Variants in ONECUT3 observed in about 807,000 individuals in gnomAD.
The protein encoded by ONECUT3 is one cut homeobox 3, also known as one cut domain family member 3.
ONECUT3 carries 11 observed loss-of-function variants against 16.8 expected under a neutral mutation model. That is an observed-to-expected ratio of 0.66 (90% CI 0.41 to 1.09). ONECUT3 has a LOEUF of 1.09. Ranked by LOEUF, ONECUT3 falls within the 50% of genes least tolerant of loss-of-function variation. The pLI is 0.00. For missense variants in ONECUT3, 637 were observed against 629.9 expected (o/e 1.01, Z -0.12); for synonymous variants, 344 against 310.7 (o/e 1.11, Z -1.13).
chr19:1,769,084 G>A (rs368877349), intron 1 of ONECUT3, among the ~76,000 whole-genome samples: 1 of 140,342 alleles, frequency 7.1e-6, no homozygotes, highest in East Asian at 2.0e-4. Context: ...TGGAAGTGGA[G>A]GTGGAGGTGA....
In ONECUT3 at chr19:1,775,587, AG is replaced by A; in HGVS notation, c.*147del. 9.5e-6 allele frequency: 7 copies of A among 733,900 alleles called. No homozygotes were observed. The highest frequency in any genetic ancestry group is 1.4e-5 in the Non-Finnish European group (7 of 488,486). 45.5% of individuals were successfully genotyped at this position (733,900 alleles called of 1,614,324 possible). ...CTATCCGGGCCCCCCACACCCGGGG[AG>A]GGGGAAGCAGCACACCCCCCAGCCC... On this transcript the variant is annotated 3_prime_UTR_variant, in exon 2 of 2. Transcript: ENST00000382349.
intron 1 of ONECUT3, 27 bp from the exon 2 acceptor site, chr19:1,775,126 G>GGCCCCCCCCCCCCCCCCCCCCCC: frequency 3.5e-6 from 4 of 1,143,898 alleles, no homozygotes; most frequent in Non-Finnish European, 3.6e-6. Context: ...TGTCCCGCTC[G>GGCCCCCCCCCCCCCCCCCCCCCC]CCCGCCCGCC....
intron 1 of ONECUT3, among the ~76,000 whole-genome samples, chr19:1,773,500 G>A (rs1314206474): frequency 6.6e-6 from 1 of 152,188 alleles, no homozygotes; most frequent in Non-Finnish European, 1.5e-5. Context: ...TTCTGTGGAC[G>A]TGTATGGACA....
chr19:1,770,191 G>C (rs1240116382), intron 1 of ONECUT3, among the ~76,000 whole-genome samples: 1 of 152,184 alleles, frequency 6.6e-6, no homozygotes. Context: ...CCAGGAGTTA[G>C]AGACCAGCCT....
Position 1,766,498 on chromosome 19 carries a change from G to A in ONECUT3, c.1193-8655G>A, listed in dbSNP as rs1002996874. Among the ~76,000 whole-genome samples, 1 of 150,958 alleles carries A rather than the reference G, an allele frequency of 6.6e-6. No homozygotes were observed. Among genetic ancestry groups the A allele is most frequent in the Non-Finnish European group, 1.5e-5 (1 of 67,692 alleles). On this transcript the variant is annotated intron_variant, in intron 1 of 1. Transcript: ENST00000382349. The surrounding 1 kb of genome is among the most constrained non-coding windows in gnomAD (Gnocchi z 4.0). ...GGAAGGGAAGTGAGGGAAGGAAGGG[G>A]AAGAGGGGAGGGAGGTAAAGAGAGG...
chr19:1,775,038 G>T, intron 1 of ONECUT3, 115 bp from the exon 2 acceptor site: 1 of 634,468 alleles, frequency 1.6e-6, no homozygotes, highest in Admixed American at 3.3e-5. Flanking sequence ...TCCCCAACGT[G>T]TCCCTTCTCC....
At position 1,754,325 on chromosome 19, in the gene ONECUT3, AC is replaced by A; in HGVS notation, c.668del (p.Pro223ArgfsTer112). 8.6e-6 allele frequency: 9 copies of A among 1,050,654 alleles called. No homozygotes were observed. The highest frequency in any genetic ancestry group is 1.7e-4 in the East Asian group (2 of 11,812). 65.1% of individuals were successfully genotyped at this position (1,050,654 alleles called of 1,614,324 possible). On this transcript the variant is annotated frameshift_variant, in exon 1 of 2. Coordinates refer to ENST00000382349, the MANE Select transcript of ONECUT3 (RefSeq NM_001080488.2). LOFTEE classifies it high-confidence loss of function. This position sits in a 1 kb window ranked among gnomAD's most constrained non-coding sequence, Gnocchi z 7.4. ...CCCCGCAGCCCCCGCCGCCGCCACC[AC>A]CCCCGCCGCTGGCCGCCTACGGCCC... ...GAPQPPPPPP[P>X]PPLAAYGPPG...
At position 1,754,525 on chromosome 19, in the gene ONECUT3, G is replaced by C; in HGVS notation, c.863G>C (p.Gly288Ala). Residue 288 changes from glycine (G) to alanine (A), a missense_variant, in exon 1 of 2, where the codon GGC (glycine) becomes GCC (alanine). Gly to Ala is a moderately conservative substitution (Grantham distance 60). Around this residue, in one of 3 missense-constraint regions of ONECUT3, gnomAD observed 419 missense variants for 377.9 expected, o/e 1.11. Coordinates refer to ENST00000382349, the MANE Select transcript of ONECUT3 (RefSeq NM_001080488.2). This position sits in a 1 kb window ranked among gnomAD's most constrained non-coding sequence, Gnocchi z 7.4. ...GSAAGLLAPL[G>A]GLAAAGAHGP... Reference sequence around the variant, plus strand: ...GCCGCGGGGCTGCTGGCGCCGCTGGGCGGGCTGGCGGCGGCCGGGGCGCAC... The same window carrying C: ...GCCGCGGGGCTGCTGGCGCCGCTGGCCGGGCTGGCGGCGGCCGGGGCGCAC... 1 of 980,078 alleles carries C rather than the reference G, an allele frequency of 1.0e-6. No individual in the cohort carries two copies. The highest frequency in any genetic ancestry group is 1.2e-6 in the Non-Finnish European group (1 of 827,888). 60.7% of individuals were successfully genotyped at this position (980,078 alleles called of 1,614,324 possible).
chr19:1,769,481 C>T (rs879632820), intron 1 of ONECUT3, among the ~76,000 whole-genome samples: 12 of 152,112 alleles, frequency 7.9e-5, no homozygotes, highest in Non-Finnish European at 1.5e-4. Flanking sequence ...ACTCTGAACC[C>T]CATCAGTCCT....
intron 1 of ONECUT3, among the ~76,000 whole-genome samples, chr19:1,769,086 TGGAGGTGATGGAGGA>T (rs1210322751): frequency 8.1e-6 from 1 of 123,152 alleles, no homozygotes; most frequent in African/African-American, 3.2e-5. Flanking sequence ...GAAGTGGAGG[TGGAGGTGATGGAGGA>T]GGAGATGCTG....
At position 1,755,019 on chromosome 19, in the gene ONECUT3, C is replaced by A. The variant is rs576583105; in HGVS notation, c.1192+165C>A. On this transcript the variant is annotated intron_variant, in intron 1 of 1. Coordinates refer to ENST00000382349, the MANE Select transcript of ONECUT3 (RefSeq NM_001080488.2). The surrounding 1 kb of genome is among the most constrained non-coding windows in gnomAD (Gnocchi z 7.5). ...GGAAGCTAGACCGCGATCCGCGCCG[C>A]TGCCCGTTTGTACCGTTGCCAAAAG... Among the ~76,000 whole-genome samples, 1 of 152,288 alleles carries A rather than the reference C, an allele frequency of 6.6e-6. No individual in the cohort carries two copies. Among genetic ancestry groups the A allele is most frequent in the East Asian group, 1.9e-4 (1 of 5,156 alleles).
rs1331199840 is a variant in ONECUT3, at chr19:1,758,313, A to AGAGAGAGAG, written c.1192+3459_1192+3460insGAGAGAGAG. Among the ~76,000 whole-genome samples the AGAGAGAGAG allele has an allele frequency of 2.2e-4, 24 of 108,998 alleles. No homozygotes were observed. Among genetic ancestry groups the AGAGAGAGAG allele is most frequent in the African/African-American group, 8.3e-4 (24 of 28,850 alleles). The allele number at this position is 108,998 out of a possible 152,430, so 71.5% of individuals were successfully genotyped here. A position where few individuals can be genotyped will look rare whatever the true frequency, so the allele number is the denominator to read the frequency against. On this transcript the variant is annotated intron_variant, in intron 1 of 1. Transcript: ENST00000382349. This position sits in a 1 kb window ranked among gnomAD's most constrained non-coding sequence, Gnocchi z 5.9. ...AGGCAGAGAGACCAAAAAAAAAAAA[A>AGAGAGAGAG]AAAGAGAGAGAGAGAGAGAGAGACA...
Position 1,764,888 on chromosome 19 carries a change from G to A in ONECUT3, c.1192+10034G>A, listed in dbSNP as rs796741163. 1.8e-4 allele frequency among the ~76,000 whole-genome samples: 28 copies of A among 152,146 alleles called. No homozygotes were observed. The highest frequency in any genetic ancestry group is 6.0e-4 in the African/African-American group (25 of 41,492). Reference sequence around the variant, plus strand: ...CATCTGGGGCAGGGCAGCTGGTGGCGGGGACAGGACGCGTCGCCAAGGAAA... The same window carrying A: ...CATCTGGGGCAGGGCAGCTGGTGGCAGGGACAGGACGCGTCGCCAAGGAAA... On this transcript the variant is annotated intron_variant, in intron 1 of 1. Transcript: ENST00000382349. The surrounding 1 kb of genome is among the most constrained non-coding windows in gnomAD (Gnocchi z 5.0).
intron 1 of ONECUT3, 27 bp from the exon 2 acceptor site, chr19:1,775,126 G>GGCCGCCCCCCC: frequency 1.7e-6 from 2 of 1,143,900 alleles, no homozygotes; most frequent in Non-Finnish European, 2.4e-6. Context: ...TGTCCCGCTC[G>GGCCGCCCCCCC]CCCGCCCGCC....
At chr19:1,767,335 A>G (rs905824700) in intron 1 of ONECUT3, among the ~76,000 whole-genome samples, 1 of 152,056 alleles carries the variant, frequency 6.6e-6, no homozygotes, top group African/African-American at 2.4e-5. Context: ...AGACCATCTT[A>G]CAGTTGGGGA....
rs760669440 is a variant in ONECUT3, at chr19:1,754,883, C to T, written c.1192+29C>T. 4.5e-5 allele frequency: 62 copies of T among 1,370,956 alleles called. No individual in the cohort carries two copies. Among genetic ancestry groups the T allele is most frequent in the Non-Finnish European group, 5.8e-5 (61 of 1,051,798 alleles). 84.9% of individuals were successfully genotyped at this position (1,370,956 alleles called of 1,614,324 possible). A position where few individuals can be genotyped will look rare whatever the true frequency, so the allele number is the denominator to read the frequency against. On this transcript the variant is annotated intron_variant, in intron 1 of 1. Coordinates refer to ENST00000382349, the MANE Select transcript of ONECUT3 (RefSeq NM_001080488.2). The surrounding 1 kb of genome is among the most constrained non-coding windows in gnomAD (Gnocchi z 7.4). ...GGAGCGTGGCGCGCAGGGCCAGACC[C>T]TGGGGGCGCCGGCTCTGGACTCCCG...
intron 1 of ONECUT3, among the ~76,000 whole-genome samples, chr19:1,765,529 C>T (rs945681943): frequency 5.9e-5 from 9 of 152,226 alleles, no homozygotes; most frequent in African/African-American, 2.2e-4. Flanking sequence ...CAGGCAGCCG[C>T]CGCTTCACGC....
At position 1,779,974 on chromosome 19, in the gene ONECUT3, G is replaced by A. The variant is rs76780106; in HGVS notation, c.*4529G>A. ...TTCTTGGGGGCACTCTGGTGTCATC[G>A]ATATCTTAGACCCCCCCAACCCCCC... is the stretch of plus-strand genomic sequence containing the variant. On this transcript the variant is annotated 3_prime_UTR_variant, in exon 2 of 2. Coordinates refer to ENST00000382349, the MANE Select transcript of ONECUT3 (RefSeq NM_001080488.2). The A allele has an allele frequency of 0.01, 1,550 of 152,248 alleles. 7 individuals are homozygous for A. The highest frequency in any genetic ancestry group is 0.034 in the Middle Eastern group (10 of 296). The allele number at this position is 152,248 out of a possible 1,614,324, so 9.4% of individuals were successfully genotyped here.
Position 1,775,497 on chromosome 19 carries a change from C to T in ONECUT3, c.*52C>T, listed in dbSNP as rs552283668. 60 of 1,411,264 alleles carry T rather than the reference C, an allele frequency of 4.3e-5. 2 individuals are homozygous for T. The South Asian group carries it at 9.1e-4, about 21-fold the overall frequency. The allele number at this position is 1,411,264 out of a possible 1,614,324, so 87.4% of individuals were successfully genotyped here. ...CCTCCACGGCCTGGGCGCTGTGCCCCCACGTCACCTCCCCACATCCTGCCG... is the reference window on the plus strand; with the variant it reads ...CCTCCACGGCCTGGGCGCTGTGCCCTCACGTCACCTCCCCACATCCTGCCG... On this transcript the variant is annotated 3_prime_UTR_variant, in exon 2 of 2. Coordinates refer to ENST00000382349, the MANE Select transcript of ONECUT3 (RefSeq NM_001080488.2).
Sources: gnomAD v4.1 joint callset for allele counts (sites outside exome capture counted in the v4.1 genomes callset) on GRCh38, gnomAD v4.1.1 for gene constraint, gnomAD v4.1.1 regional missense constraint, Gnocchi (gnomAD v3.1) non-coding constraint, MANE v1.5 for transcripts, NCBI Gene and HGNC (gene_info 2026-07-23, HGNC 2026-07-21) for gene names.